The following PRRC2B variants were observed in gnomAD, a reference collection of about 807,000 sequenced individuals.
PRRC2B encodes proline rich coiled-coil 2B, also known as protein PRRC2B.
A neutral mutation model predicts 242.3 loss-of-function variants in PRRC2B; 68 were observed. That is an observed-to-expected ratio of 0.28 (90% CI 0.23 to 0.34). The LOEUF is 0.34. Ranked by LOEUF, PRRC2B falls within the 10% of genes least tolerant of loss-of-function variation. The pLI is 1.00. For missense variants in PRRC2B, 2,835 were observed against 2,954.8 expected (o/e 0.96, Z 0.94); for synonymous variants, 1,228 against 1,173.6 (o/e 1.05, Z -0.95).
At chr9:131,373,722 C>T (rs1274551979) in exon 1 of PRRC2B, 1 of 152,292 alleles carries the variant, frequency 6.6e-6, no homozygotes, top group African/African-American at 2.4e-5. Context: ...GGAGGCAGCA[C>T]CCACGCCAGG....
At chr9:131,455,212 A>T in intron 10 of PRRC2B, 46 bp downstream of exon 10, 2 of 1,345,102 alleles carry the variant, frequency 1.5e-6, no homozygotes, top group Admixed American at 3.7e-5. Flanking sequence ...ATCCCTGCTT[A>T]GTGTTGTTGT....
At chr9:131,493,760 G>C (rs1944257277) in intron 30 of PRRC2B, among the ~76,000 whole-genome samples, 1 of 152,230 alleles carries the variant, frequency 6.6e-6, no homozygotes, top group African/African-American at 2.4e-5. Flanking sequence ...GGGGAGTGCT[G>C]TCCCCAGGGT....
At chr9:131,426,664 G>T (rs994013526) in intron 1 of PRRC2B, among the ~76,000 whole-genome samples, 1 of 152,182 alleles carries the variant, frequency 6.6e-6, no homozygotes, top group African/African-American at 2.4e-5. Flanking sequence ...GGTGCCCTTT[G>T]CTCCAGTGCA....
chr9:131,393,905 T>TC (rs1247853893), upstream of PRRC2B, among the ~76,000 whole-genome samples: 3 of 117,858 alleles, frequency 2.5e-5, no homozygotes, highest in Non-Finnish European at 5.6e-5. Flanking sequence ...TCCCCGCCCC[T>TC]CCCCCCTGGC....
At chr9:131,477,545 G>A (rs991503107) in intron 16 of PRRC2B, among the ~76,000 whole-genome samples, 199 bp from the exon 17 acceptor site, 5 of 152,182 alleles carry the variant, frequency 3.3e-5, no homozygotes, top group East Asian at 1.9e-4. Context: ...AGGCAGAGCC[G>A]GTGGGGGCAG....
chr9:131,400,430 T>A (rs1263390179), intron 1 of PRRC2B, among the ~76,000 whole-genome samples: 1 of 152,108 alleles, frequency 6.6e-6, no homozygotes, highest in Non-Finnish European at 1.5e-5. Flanking sequence ...GCAATTCTCG[T>A]GCCTCAGCCT....
intron 4 of PRRC2B, among the ~76,000 whole-genome samples, 154 bp downstream of exon 4, chr9:131,436,876 C>T (rs902470332): frequency 2.0e-5 from 3 of 152,126 alleles, no homozygotes; most frequent in South Asian, 2.1e-4. Context: ...TTTAGAAAAC[C>T]GTCATGGGAA....
At chr9:131,432,969 T>C (rs1459930676) in intron 3 of PRRC2B, among the ~76,000 whole-genome samples, 175 bp downstream of exon 3, 1 of 152,226 alleles carries the variant, frequency 6.6e-6, no homozygotes, top group Non-Finnish European at 1.5e-5. Flanking sequence ...GCCCTGGTGC[T>C]TCGTATGTTT....
intron 1 of PRRC2B, among the ~76,000 whole-genome samples, chr9:131,429,590 T>TA (rs1217549996): frequency 6.6e-6 from 1 of 152,234 alleles, no homozygotes; most frequent in African/African-American, 2.4e-5. Context: ...TGAAGGATAA[T>TA]ACTCTGGCTG....
intron 1 of PRRC2B, among the ~76,000 whole-genome samples, chr9:131,408,479 CTA>C (rs1343877712): frequency 3.9e-5 from 6 of 152,166 alleles, no homozygotes; most frequent in Non-Finnish European, 8.8e-5. Flanking sequence ...AGGTAGATCA[CTA>C]TGTGTATTTT....
chr9:131,407,358 G>A lies in PRRC2B; in HGVS notation c.-52+13095G>A, dbSNP rs531506935. 2.5e-3 allele frequency among the ~76,000 whole-genome samples: 379 copies of A among 152,268 alleles called. 1 individual carries two copies. Among genetic ancestry groups the A allele is most frequent in the Non-Finnish European group, 3.9e-3 (262 of 68,024 alleles). On this transcript the variant is annotated intron_variant, in intron 1 of 31. Coordinates refer to ENST00000683519, the MANE Select transcript of PRRC2B (RefSeq NM_013318.4). ...TTGTGAGTATAGAGTTTTGGGTGAG[G>A]TGAGGAGTCTGTGGGTAAGGTGTTT... is the stretch of plus-strand genomic sequence containing the variant.
At chr9:131,383,064 C>T (rs980471244) in intron 1 of PRRC2B, among the ~76,000 whole-genome samples, 1 of 152,148 alleles carries the variant, frequency 6.6e-6, no homozygotes, top group Non-Finnish European at 1.5e-5. Flanking sequence ...GGCCTTTGTT[C>T]ATGCTGGTCC....
chr9:131,435,994 C>T (rs1189447317), intron 3 of PRRC2B, among the ~76,000 whole-genome samples: 2 of 152,278 alleles, frequency 1.3e-5, no homozygotes, highest in African/African-American at 4.8e-5. Flanking sequence ...TTTATTTTTA[C>T]TATGAGCATG....
At chr9:131,426,974 T>C (rs1374493959) in intron 1 of PRRC2B, among the ~76,000 whole-genome samples, 1 of 152,200 alleles carries the variant, frequency 6.6e-6, no homozygotes, top group African/African-American at 2.4e-5. Flanking sequence ...CCAACCAGCA[T>C]GGCTGAAGCC....
At chr9:131,424,175 C>T (rs1365302267) in intron 1 of PRRC2B, among the ~76,000 whole-genome samples, 1 of 152,168 alleles carries the variant, frequency 6.6e-6, no homozygotes, top group Non-Finnish European at 1.5e-5. Flanking sequence ...CTCTTGGGTT[C>T]AAGTGATCCG....
intron 3 of PRRC2B, among the ~76,000 whole-genome samples, chr9:131,434,513 C>T (rs543094576): frequency 6.6e-5 from 10 of 152,358 alleles, no homozygotes; most frequent in African/African-American, 2.4e-4. Flanking sequence ...GGGCCCACAA[C>T]GTGGGGACTC....
intron 26 of PRRC2B, chr9:131,486,463 A>T (rs1291213456): frequency 1.0e-6 from 1 of 984,964 alleles, no homozygotes; most frequent in Non-Finnish European, 1.2e-6. Context: ...CTAAAATGGA[A>T]TTTTCTTTGG....
intron 2 of PRRC2B, 68 bp downstream of exon 2, chr9:131,430,327 T>A: frequency 1.0e-6 from 1 of 957,824 alleles, no homozygotes; most frequent in Non-Finnish European, 1.6e-6. Flanking sequence ...AAACCCAGAG[T>A]CCCTCACCTG....
Position 131,498,842 on chromosome 9 carries a change from C to T in PRRC2B, c.*2968C>T, listed in dbSNP as rs1944397311. 1 of 152,216 alleles carries T rather than the reference C, an allele frequency of 6.6e-6. No individual in the cohort carries two copies. The highest frequency in any genetic ancestry group is 6.5e-5 in the Admixed American group (1 of 15,286). 9.4% of individuals were successfully genotyped at this position (152,216 alleles called of 1,614,324 possible). A position where few individuals can be genotyped will look rare whatever the true frequency, so the allele number is the denominator to read the frequency against. On this transcript the variant is annotated 3_prime_UTR_variant, in exon 32 of 32. Transcript: ENST00000683519. The stretch of plus-strand genomic sequence containing the variant: ...CCACCAGTGGCCTTGCGGTATTGTC[C>T]ACCATCCACTAGAGTGGGATGAAGT...
Sources: gnomAD v4.1 joint callset for allele counts (sites outside exome capture counted in the v4.1 genomes callset) on GRCh38, gnomAD v4.1.1 for gene constraint, MANE v1.5 for transcripts, NCBI Gene and HGNC (gene_info 2026-07-23, HGNC 2026-07-21) for gene names.